Variants in MAP4 observed in about 807,000 individuals in gnomAD.
The protein encoded by MAP4 is microtubule associated protein 4, also known as microtubule-associated protein 4.
MAP4 carries 76 observed loss-of-function variants against 170.2 expected under a neutral mutation model. The ratio of observed to expected loss-of-function variants is 0.45; its 90% CI spans 0.37 to 0.54. The LOEUF (loss-of-function observed/expected upper bound fraction) is 0.54. Ranked by LOEUF, MAP4 falls within the 20% of genes least tolerant of loss-of-function variation. MAP4 has a pLI of 0.00. For synonymous variants in MAP4, 909 were observed against 994.5 expected (o/e 0.91, Z 1.62); for missense variants, 2,506 against 2,748.0 (o/e 0.91, Z 1.97).
chr3:47,915,423 C>A (rs2100038228), intron 7 of MAP4, among the ~76,000 whole-genome samples: 1 of 151,798 alleles, frequency 6.6e-6, no homozygotes, highest in Non-Finnish European at 1.5e-5. Flanking sequence ...GTCAATGTTT[C>A]GTTTTTTAAG....
chr3:48,022,926 C>A (rs2100111308), intron 1 of MAP4, among the ~76,000 whole-genome samples: 1 of 152,008 alleles, frequency 6.6e-6, no homozygotes, highest in African/African-American at 2.4e-5. Flanking sequence ...TCCAGGCATT[C>A]TTTCTGAAAA....
chr3:48,069,114 C>A (rs549125143), intron 1 of MAP4, among the ~76,000 whole-genome samples: 1 of 152,102 alleles, frequency 6.6e-6, no homozygotes, highest in African/African-American at 2.4e-5. Context: ...TAGGAGAAGG[C>A]AGAATTATTC....
At chr3:47,927,301 T>A (rs2100046603) in intron 4 of MAP4, among the ~76,000 whole-genome samples, 1 of 151,906 alleles carries the variant, frequency 6.6e-6, no homozygotes, top group Non-Finnish European at 1.5e-5. Context: ...ACGATGAGCA[T>A]CTTATAAGTT....
In MAP4 at chr3:47,909,654, C is replaced by G. The variant is rs1248098013; in HGVS notation, c.4767G>C (p.Glu1589Asp). The change falls in exon 9 of 21, where the codon GAG becomes GAC. Residue 1589 changes from glutamate to aspartate, a missense_variant. By Grantham distance (45) the Glu-to-Asp change is conservative (BLOSUM62 2). Transcript: ENST00000683076. The part of the protein sequence containing the change: ...VPVEDQSLPG[E>D]ARALEGYADR... Reference sequence around the variant, plus strand: ...CTGCATATCCTTCTAGGGCTCTGGCCTCTCCTGGTAGGCTCTGGTCTTCTA... The same window carrying G: ...CTGCATATCCTTCTAGGGCTCTGGCGTCTCCTGGTAGGCTCTGGTCTTCTA... 3 of 1,613,988 alleles carry G rather than the reference C, an allele frequency of 1.9e-6. No individual in the cohort carries two copies. Among genetic ancestry groups the G allele is most frequent in the East Asian group, 2.2e-5 (1 of 44,884 alleles).
At chr3:47,969,437 G>A (rs2100077214) in intron 3 of MAP4, among the ~76,000 whole-genome samples, 1 of 151,666 alleles carries the variant, frequency 6.6e-6, no homozygotes. Flanking sequence ...AAAAAAAAAG[G>A]ATTAGTACCA....
intron 4 of MAP4, among the ~76,000 whole-genome samples, chr3:47,925,891 G>A (rs1219693751): frequency 3.9e-5 from 6 of 152,134 alleles, no homozygotes; most frequent in Non-Finnish European, 8.8e-5. Flanking sequence ...AGTTTCGCTC[G>A]TTGCCCAAGC....
chr3:48,021,762 A>C (rs2100110686), intron 1 of MAP4, among the ~76,000 whole-genome samples: 1 of 152,252 alleles, frequency 6.6e-6, no homozygotes, highest in African/African-American at 2.4e-5. Context: ...AGAACAGCTA[A>C]GATAATCTTT....
At chr3:48,020,311 C>T (rs572273187), upstream of MAP4, among the ~76,000 whole-genome samples, 2 of 152,304 alleles carry the variant, frequency 1.3e-5, no homozygotes, top group South Asian at 2.1e-4. Flanking sequence ...AAACTTGAAA[C>T]CTCACAGGCT....
chr3:47,879,063 T>C (rs970800205), intron 10 of MAP4, among the ~76,000 whole-genome samples: 9 of 152,128 alleles, frequency 5.9e-5, no homozygotes, highest in African/African-American at 1.7e-4. Context: ...ACCAGCCAAA[T>C]AGTAAATGTG....
At chr3:48,076,280 A>G (rs202189453) in intron 1 of MAP4, among the ~76,000 whole-genome samples, 2 of 151,440 alleles carry the variant, frequency 1.3e-5, no homozygotes, top group Non-Finnish European at 2.9e-5. Flanking sequence ...GCAGATCATG[A>G]GGTCAGGAGA....
intron 17 of MAP4, among the ~76,000 whole-genome samples, chr3:47,863,286 T>G (rs2071562988): frequency 6.6e-6 from 1 of 152,180 alleles, no homozygotes; most frequent in Non-Finnish European, 1.5e-5. Flanking sequence ...CAGTAAAAAG[T>G]TTTAAAAAGC....
chr3:48,071,858 C>T (rs1474283806), intron 1 of MAP4, among the ~76,000 whole-genome samples: 6 of 151,524 alleles, frequency 4.0e-5, no homozygotes, highest in East Asian at 3.9e-4. Context: ...GAGCCAAGAT[C>T]GCGCCACTTC....
intron 1 of MAP4, among the ~76,000 whole-genome samples, chr3:48,059,926 T>C (rs1009661120): frequency 1.1e-4 from 16 of 152,008 alleles, no homozygotes; most frequent in Non-Finnish European, 1.5e-5. Flanking sequence ...TGGGCTGAGA[T>C]TGTGCCACTG....
At chr3:47,919,001 G>A (rs972788366) in intron 5 of MAP4, among the ~76,000 whole-genome samples, 160 bp from the exon 6 acceptor site, 8 of 151,898 alleles carry the variant, frequency 5.3e-5, no homozygotes, top group Non-Finnish European at 1.0e-4. Context: ...GCGTGATCTC[G>A]GCTCACTGCA....
intron 10 of MAP4, among the ~76,000 whole-genome samples, chr3:47,887,194 G>A (rs1259907163): frequency 6.6e-6 from 1 of 152,246 alleles, no homozygotes; most frequent in Non-Finnish European, 1.5e-5. Context: ...CAGCTTGCAG[G>A]GAGGTGTGGA....
chr3:47,952,513 A>G (rs1578222295), intron 3 of MAP4, among the ~76,000 whole-genome samples: 1 of 152,106 alleles, frequency 6.6e-6, no homozygotes, highest in African/African-American at 2.4e-5. Flanking sequence ...AGAAGTAGAC[A>G]TGGGAGACTT....
At chr3:48,062,127 A>G (rs898709184) in intron 1 of MAP4, among the ~76,000 whole-genome samples, 1 of 152,060 alleles carries the variant, frequency 6.6e-6, no homozygotes, top group African/African-American at 2.4e-5. Flanking sequence ...AAGTGGGCAT[A>G]GGAGACTCCA....
At chr3:47,908,123 T>C (rs1459452974) in intron 9 of MAP4, among the ~76,000 whole-genome samples, 1 of 150,220 alleles carries the variant, frequency 6.7e-6, no homozygotes, top group Admixed American at 6.7e-5. Flanking sequence ...GTGTCACTTG[T>C]AGGCTGTGAA....
In MAP4 at chr3:47,855,326, C is replaced by G; in HGVS notation, c.6618G>C (p.Leu2206Phe). Residue 2206 changes from leucine to phenylalanine, a missense_variant, in exon 19 of 21, where the codon TTG (leucine) becomes TTC (phenylalanine). Coordinates refer to ENST00000683076, the MANE Select transcript of MAP4 (RefSeq NM_001385682.1). This position sits in a 1 kb window ranked among gnomAD's most constrained non-coding sequence, Gnocchi z 5.1. ...GGDVKIESQK[L>F]NFKEKAQAKV... The stretch of plus-strand genomic sequence containing the variant: ...TGGCCTGGGCCTTCTCCTTGAAGTT[C>G]AACTTCTGACTTTCAATCTTGACAT... The G allele has an allele frequency of 6.2e-7, 1 of 1,614,004 alleles. No homozygotes were observed. The highest frequency in any genetic ancestry group is 8.5e-7 in the Non-Finnish European group (1 of 1,179,886).
Sources: gnomAD v4.1 joint callset for allele counts (sites outside exome capture counted in the v4.1 genomes callset) on GRCh38, gnomAD v4.1.1 for gene constraint, Gnocchi (gnomAD v3.1) non-coding constraint, MANE v1.5 for transcripts, NCBI Gene and HGNC (gene_info 2026-07-23, HGNC 2026-07-21) for gene names.